The following KCNQ2 variants were observed in gnomAD, a reference collection of about 807,000 sequenced individuals.
The protein encoded by KCNQ2 is potassium voltage-gated channel subfamily Q member 2, also known as potassium voltage-gated channel subfamily KQT member 2.
Under a neutral mutation model 84.8 loss-of-function variants are expected in KCNQ2, and 14 were observed. The ratio of observed to expected loss-of-function variants is 0.17; its 90% CI spans 0.11 to 0.26. The LOEUF is 0.26. Ranked by LOEUF, KCNQ2 falls within the 10% of genes least tolerant of loss-of-function variation. KCNQ2 has a pLI of 1.00. For synonymous variants in KCNQ2, 599 were observed against 554.1 expected, an observed-to-expected ratio of 1.08 and a Z score of -1.14; for missense variants, 788 against 1,254.0, an observed-to-expected ratio of 0.63 and a Z score of 5.61.
chr20:63,412,483 C>G (rs6011820), intron 15 of KCNQ2, among the ~76,000 whole-genome samples: 1 of 152,202 alleles, frequency 6.6e-6, no homozygotes, highest in Non-Finnish European at 1.5e-5. Context: ...TGGAGCCCAG[C>G]GGGGTGAAGG....
chr20:63,429,089 C>G (rs1190013701), intron 9 of KCNQ2, among the ~76,000 whole-genome samples: 1 of 151,818 alleles, frequency 6.6e-6, no homozygotes, highest in East Asian at 1.9e-4. Flanking sequence ...AGGACCAAGT[C>G]CGGGCCCGCC....
intron 15 of KCNQ2, among the ~76,000 whole-genome samples, chr20:63,413,033 C>T (rs2080168447): frequency 6.6e-6 from 1 of 152,156 alleles, no homozygotes; most frequent in South Asian, 2.1e-4. Context: ...AGAATTATTC[C>T]ATCCCCAACA....
In KCNQ2 at chr20:63,407,126, G is replaced by C. The variant is rs1467331597; in HGVS notation, c.2137C>G (p.Pro713Ala). ...APPAAPPVQCPPSTSWQPQSH... is the reference protein window; with the variant it reads ...APPAAPPVQCAPSTSWQPQSH... ...TGTGGCTGCCAGGAGGTGGAGGGCG[G>C]ACACTGGACAGGGGGCGCGGCCGGG... Residue 713 changes from proline (P) to alanine (A), a missense_variant, in exon 17 of 17, where the codon CCG becomes GCG. Pro to Ala is a conservative substitution (Grantham distance 27). Around this residue, in one of 8 missense-constraint regions of KCNQ2, gnomAD observed 378 missense variants for 434.5 expected, o/e 0.87. Transcript: ENST00000359125. This position sits in a 1 kb window ranked among gnomAD's most constrained non-coding sequence, Gnocchi z 7.2. 2.6e-6 allele frequency: 4 copies of C among 1,555,934 alleles called. No homozygotes were observed. The highest frequency in any genetic ancestry group is 2.6e-6 in the Non-Finnish European group (3 of 1,154,186).
intron 7 of KCNQ2, chr20:63,434,645 G>C (rs989835650): frequency 6.6e-6 from 1 of 152,010 alleles, no homozygotes; most frequent in African/African-American, 2.4e-5. Context: ...CAGGGTGTAC[G>C]GGGCTCCACG....
chr20:63,443,141 C>T (rs199963979), intron 4 of KCNQ2, among the ~76,000 whole-genome samples: 38,765 of 63,948 alleles, frequency 0.61, 12,898 homozygotes, highest in East Asian at 0.92. Context: ...ACCATCATCA[C>T]CACCACCATC....
rs1350508553 is a variant in KCNQ2 at position 63,400,424 on chromosome 20, A to T, written c.*6220T>A. The T allele has an allele frequency of 2.5e-6, 1 of 396,190 alleles. No homozygotes were observed. The highest frequency in any genetic ancestry group is 4.4e-6 in the Non-Finnish European group (1 of 225,104). The allele number at this position is 396,190 out of a possible 1,614,324, so 24.5% of individuals were successfully genotyped here. A position where few individuals can be genotyped will look rare whatever the true frequency, so the allele number is the denominator to read the frequency against. On this transcript the variant is annotated 3_prime_UTR_variant, in exon 17 of 17. Transcript: ENST00000359125. The surrounding 1 kb of genome is among the most constrained non-coding windows in gnomAD (Gnocchi z 8.7). ...TAATATCTCAGCTAATCTGTTAGAAAACTAGAGTTCATTCCCTGGGCGTCT... is the reference window on the plus strand; with the variant it reads ...TAATATCTCAGCTAATCTGTTAGAATACTAGAGTTCATTCCCTGGGCGTCT...
At chr20:63,469,275 G>A (rs57946378) in intron 1 of KCNQ2, among the ~76,000 whole-genome samples, 14,178 of 152,246 alleles carry the variant, frequency 0.093, 1,081 homozygotes, top group East Asian at 0.44. Context: ...TGGGAGAGGT[G>A]GCCCAGCACC....
At chr20:63,449,232 C>CT (rs1326185068) in intron 1 of KCNQ2, 3 of 152,288 alleles carry the variant, frequency 2.0e-5, no homozygotes. Flanking sequence ...GCCCCTTGGA[C>CT]TTCCAGGTTA....
At chr20:63,455,977 A>C (rs1271658045) in intron 1 of KCNQ2, among the ~76,000 whole-genome samples, 2 of 18,454 alleles carry the variant, frequency 1.1e-4, no homozygotes, top group Non-Finnish European at 2.2e-4. Context: ...CGGGCCCCCC[A>C]CCTCCGGGAG....
intron 1 of KCNQ2, among the ~76,000 whole-genome samples, chr20:63,454,481 G>A (rs541660660): frequency 6.6e-6 from 1 of 152,234 alleles, no homozygotes; most frequent in Non-Finnish European, 1.5e-5. Context: ...GGGACGCAAA[G>A]ATCCCGGTGC....
At chr20:63,462,894 C>T (rs945587283) in intron 1 of KCNQ2, among the ~76,000 whole-genome samples, 1 of 152,182 alleles carries the variant, frequency 6.6e-6, no homozygotes, top group African/African-American at 2.4e-5. Context: ...TGAGTGAACA[C>T]ACACAGACAC....
intron 1 of KCNQ2, among the ~76,000 whole-genome samples, chr20:63,465,985 T>C (rs1366916590): frequency 1.3e-5 from 2 of 152,228 alleles, no homozygotes; most frequent in East Asian, 3.9e-4. Flanking sequence ...GCGGTCTGCG[T>C]GGAAACTAGA....
intron 1 of KCNQ2, among the ~76,000 whole-genome samples, chr20:63,457,782 C>T (rs1395471084): frequency 6.6e-6 from 1 of 152,224 alleles, no homozygotes; most frequent in Non-Finnish European, 1.5e-5. Context: ...CGCCCCGGCC[C>T]AGAAAGAGGG....
Position 63,408,528 on chromosome 20 carries a change from T to A in KCNQ2, c.1772A>T (p.Gln591Leu). 1 of 1,610,920 alleles carries A rather than the reference T, an allele frequency of 6.2e-7. No individual in the cohort carries two copies. Among genetic ancestry groups the A allele is most frequent in the Non-Finnish European group, 8.5e-7 (1 of 1,179,338 alleles). Residue 591 changes from glutamine (Q) to leucine (L), a missense_variant, in exon 16 of 17, where the codon CAG (glutamine) becomes CTG (leucine). Around this residue, in one of 8 missense-constraint regions of KCNQ2, gnomAD observed 378 missense variants for 434.5 expected, o/e 0.87. Coordinates refer to ENST00000359125, the MANE Select transcript of KCNQ2 (RefSeq NM_172107.4). The surrounding 1 kb of genome is among the most constrained non-coding windows in gnomAD (Gnocchi z 5.0). Reference sequence around the variant, plus strand: ...GATCGCTGGGCCCCGCCCCACGATCTGGTCCACTCTACCGGGAACAGAGAC... The same window carrying A: ...GATCGCTGGGCCCCGCCCCACGATCAGGTCCACTCTACCGGGAACAGAGAC... ...RIKSLQSRVD[Q>L]IVGRGPAITD...
intron 8 of KCNQ2, among the ~76,000 whole-genome samples, chr20:63,433,209 A>G (rs4809557): frequency 0.42 from 63,978 of 152,094 alleles, 13,661 homozygotes; most frequent in East Asian, 0.61. Context: ...AGGACCTGCT[A>G]GCACTGCCTC....
intron 15 of KCNQ2, among the ~76,000 whole-genome samples, chr20:63,410,353 G>A (rs1011437430): frequency 2.0e-5 from 3 of 152,198 alleles, no homozygotes; most frequent in African/African-American, 7.2e-5. Flanking sequence ...CCTGCCCTGG[G>A]CCCCTGGCTG....
Position 63,406,945 on chromosome 20 carries a change from C to G in KCNQ2, c.2318G>C (p.Gly773Ala). Reference protein sequence around the residue: ...MEFLRQEDTPGCRPPEGNLRD... With the variant: ...MEFLRQEDTPACRPPEGNLRD... Reference sequence around the variant, plus strand: ...CAGGTTCCCCTCGGGGGGCCTGCAGCCCGGGGTGTCCTCCTGCCGCAGGAA... The same window carrying G: ...CAGGTTCCCCTCGGGGGGCCTGCAGGCCGGGGTGTCCTCCTGCCGCAGGAA... The change falls in exon 17 of 17, where the codon GGC (glycine) becomes GCC (alanine). Residue 773 changes from glycine (G) to alanine (A), a missense_variant. Coordinates refer to ENST00000359125, the MANE Select transcript of KCNQ2 (RefSeq NM_172107.4). The G allele has an allele frequency of 6.3e-7, 1 of 1,584,906 alleles. No individual in the cohort carries two copies. Among genetic ancestry groups the G allele is most frequent in the Non-Finnish European group, 8.6e-7 (1 of 1,169,042 alleles).
At chr20:63,470,523 G>A (rs1284102250) in intron 1 of KCNQ2, among the ~76,000 whole-genome samples, 2 of 152,222 alleles carry the variant, frequency 1.3e-5, no homozygotes, top group Non-Finnish European at 1.5e-5. Flanking sequence ...GCAGGCCCAG[G>A]CAGGGGGCGG....
At chr20:63,410,362 TGGA>T (rs2080086287) in intron 15 of KCNQ2, among the ~76,000 whole-genome samples, 2 of 152,184 alleles carry the variant, frequency 1.3e-5, no homozygotes, top group Non-Finnish European at 2.9e-5. Flanking sequence ...GGCCCCTGGC[TGGA>T]GGAGACTTGA....
Sources: gnomAD v4.1 joint callset for allele counts (sites outside exome capture counted in the v4.1 genomes callset) on GRCh38, gnomAD v4.1.1 for gene constraint, gnomAD v4.1.1 regional missense constraint, Gnocchi (gnomAD v3.1) non-coding constraint, MANE v1.5 for transcripts, NCBI Gene and HGNC (gene_info 2026-07-23, HGNC 2026-07-21) for gene names.